The following ACY3 variants were observed in gnomAD, a reference collection of about 807,000 sequenced individuals.
ACY3 encodes the protein aminoacylase 3.
ACY3 carries 20 observed loss-of-function variants against 24.6 expected under a neutral mutation model. The ratio of observed to expected loss-of-function variants is 0.81; its 90% CI spans 0.57 to 1.18. The LOEUF is 1.18. Ranked by LOEUF, ACY3 falls within the 50% of genes most tolerant of loss-of-function variation. ACY3 has a pLI of 0.00. For missense variants in ACY3, 423 were observed against 426.8 expected, an observed-to-expected ratio of 0.99 and a Z score of 0.08; for synonymous variants, 174 against 188.4, an observed-to-expected ratio of 0.92 and a Z score of 0.62.
chr11:67,645,997 C>T (rs1421207360), intron 3 of ACY3, 110 bp from the exon 4 acceptor site: 10 of 1,089,466 alleles, frequency 9.2e-6, no homozygotes, highest in African/African-American at 4.7e-5. Flanking sequence ...GCAGCTCGAG[C>T]GAGGGCTTTC....
chr11:67,646,555 AG>A (rs1855520278), intron 3 of ACY3, among the ~76,000 whole-genome samples: 1 of 152,216 alleles, frequency 6.6e-6, no homozygotes. Flanking sequence ...GGCTAATCTG[AG>A]GGAAGAATTA....
chr11:67,646,671 G>T, intron 3 of ACY3, 137 bp downstream of exon 3: 1 of 868,810 alleles, frequency 1.2e-6, no homozygotes. Flanking sequence ...GGTTTGTCCC[G>T]TGGAGGAATG....
chr11:67,642,621 C>T lies in ACY3; in HGVS notation c.*103G>A. 4 of 1,248,952 alleles carry T rather than the reference C, an allele frequency of 3.2e-6. No individual in the cohort carries two copies. Among genetic ancestry groups the T allele is most frequent in the Non-Finnish European group, 4.7e-6 (4 of 854,490 alleles). 77.4% of individuals were successfully genotyped at this position (1,248,952 alleles called of 1,614,324 possible). On this transcript the variant is annotated 3_prime_UTR_variant, in exon 8 of 8. Coordinates refer to ENST00000255082, the MANE Select transcript of ACY3 (RefSeq NM_080658.2). ...GGGGTTGGGGAGGCCTGGCAAGGAACATGGTGCATGGTAGGTGGCAGAAGG... is the reference window on the plus strand; with the variant it reads ...GGGGTTGGGGAGGCCTGGCAAGGAATATGGTGCATGGTAGGTGGCAGAAGG...
At chr11:67,646,761 A>T in intron 3 of ACY3, 47 bp downstream of exon 3, 2 of 1,568,838 alleles carry the variant, frequency 1.3e-6, no homozygotes, top group Non-Finnish European at 1.7e-6. Flanking sequence ...TGTGGTGGGG[A>T]CTCGGTGCCC....
chr11:67,646,991 C>G lies in ACY3; in HGVS notation c.53G>C (p.Gly18Ala), dbSNP rs1855530674. The G allele has an allele frequency of 6.4e-7, 1 of 1,562,060 alleles. No individual in the cohort carries two copies. Among genetic ancestry groups the G allele is most frequent in the Non-Finnish European group, 8.7e-7 (1 of 1,152,318 alleles). ...CGACATCTCGTTGCCATGCGTGCCC[C>G]CAGTCACAGCCACGCGACGCAGGGG... is the stretch of plus-strand genomic sequence containing the variant. Reference protein sequence around the residue: ...REPLRRVAVTGGTHGNEMSGV... With the variant: ...REPLRRVAVTAGTHGNEMSGV... Residue 18 changes from glycine to alanine, a missense_variant, in exon 3 of 8, where the codon GGG (glycine) becomes GCG (alanine). Coordinates refer to ENST00000255082, the MANE Select transcript of ACY3 (RefSeq NM_080658.2).
chr11:67,650,081 A>G (rs969396327), intron 1 of ACY3, among the ~76,000 whole-genome samples: 1 of 152,144 alleles, frequency 6.6e-6, no homozygotes, highest in African/African-American at 2.4e-5. Flanking sequence ...GGGAGTGAGG[A>G]ACAAAGGGCG....
At chr11:67,646,414 C>G (rs1855517868) in intron 3 of ACY3, among the ~76,000 whole-genome samples, 1 of 152,252 alleles carries the variant, frequency 6.6e-6, no homozygotes, top group South Asian at 2.1e-4. Flanking sequence ...GAAGCCAACA[C>G]CTTGGTCCTA....
At chr11:67,649,774 CGTGT>C (rs1376957313) in intron 1 of ACY3, among the ~76,000 whole-genome samples, 1 of 142,020 alleles carries the variant, frequency 7.0e-6, no homozygotes, top group Non-Finnish European at 1.5e-5. Context: ...TGCATGTGTG[CGTGT>C]GTACGTGTGT....
chr11:67,647,788 C>G (rs1018748620), intron 1 of ACY3, among the ~76,000 whole-genome samples, 199 bp from the exon 2 acceptor site: 9 of 152,254 alleles, frequency 5.9e-5, no homozygotes, highest in African/African-American at 2.2e-4. Context: ...TGCCCCTGCC[C>G]TTCGTCCTTC....
At chr11:67,647,098 G>T in intron 2 of ACY3, 35 bp from the exon 3 acceptor site, 1 of 1,388,298 alleles carries the variant, frequency 7.2e-7, no homozygotes, top group South Asian at 1.4e-5. Context: ...CCCTGGCCCC[G>T]ATGCAAGGGA....
chr11:67,645,521 G>A, intron 4 of ACY3, 141 bp from the exon 5 acceptor site: 1 of 1,223,138 alleles, frequency 8.2e-7, no homozygotes, highest in Non-Finnish European at 1.1e-6. Flanking sequence ...GTAGGGGAGG[G>A]GGTACCGGGG....
At position 67,642,928 on chromosome 11, in the gene ACY3, G is replaced by A. The variant is rs535527775; in HGVS notation, c.756C>T (p.Phe252=). Residue 252 remains phenylalanine, a synonymous_variant, in exon 8 of 8, where the codon TTC becomes TTT. Transcript: ENST00000255082. ...TVHPQLQDRD[F]QPLQPGAPIF... is the part of the protein sequence containing the mutation. ...TGGGAGCACCAGGCTGCAGTGGCTG[G>A]AAGTCTCGGTCCTGGGAGGAGAGCC... 1.2e-6 allele frequency: 2 copies of A among 1,613,666 alleles called. No individual in the cohort carries two copies. The highest frequency in any genetic ancestry group is 3.3e-5 in the Admixed American group (2 of 59,988).
At chr11:67,642,996 G>T in intron 7 of ACY3, 57 bp from the exon 8 acceptor site, 1 of 1,527,096 alleles carries the variant, frequency 6.5e-7, no homozygotes, top group Non-Finnish European at 9.0e-7. Flanking sequence ...TGGCCCCAGA[G>T]GGGGGTGACC....
Position 67,642,584 on chromosome 11 carries a change from A to G in ACY3, c.*140T>C, listed in dbSNP as rs1855425652. 4.9e-6 allele frequency: 4 copies of G among 823,324 alleles called. No homozygotes were observed. The highest frequency in any genetic ancestry group is 4.3e-5 in the Admixed American group (2 of 46,692). 51.0% of individuals were successfully genotyped at this position (823,324 alleles called of 1,614,324 possible). A position where few individuals can be genotyped will look rare whatever the true frequency, so the allele number is the denominator to read the frequency against. ...GACATCTTCCATTTTATAGAAAGGG[A>G]AATTGAGGCCAGGGGTTGGGGAGGC... is the stretch of plus-strand genomic sequence containing the variant. On this transcript the variant is annotated 3_prime_UTR_variant, in exon 8 of 8. Transcript: ENST00000255082.
Position 67,645,860 on chromosome 11 carries a change from AT to A in ACY3, c.263del (p.Tyr88LeufsTer3). On this transcript the variant is annotated frameshift_variant, in exon 4 of 8. Coordinates refer to ENST00000255082, the MANE Select transcript of ACY3 (RefSeq NM_080658.2). LOFTEE classifies it high-confidence loss of function. ...LNSRPTPDDP[Y>X]EVTRARELNQ... ...TCAGCTCTCGGGCTCTTGTCACCTC[AT>A]ATGGGTCGTCCGGGGTGGGCCTGGA... 1 of 1,610,102 alleles carries A rather than the reference AT, an allele frequency of 6.2e-7. No individual in the cohort carries two copies.
chr11:67,649,740 C>A (rs569363968), intron 1 of ACY3, among the ~76,000 whole-genome samples: 1 of 141,236 alleles, frequency 7.1e-6, no homozygotes, highest in Admixed American at 6.8e-5. Flanking sequence ...AGCATGTGTG[C>A]GTGTGTGCGC....
intron 1 of ACY3, among the ~76,000 whole-genome samples, chr11:67,647,942 A>G (rs927354242): frequency 2.0e-5 from 3 of 152,120 alleles, no homozygotes; most frequent in Non-Finnish European, 4.4e-5. Context: ...CAAGATGACA[A>G]GCTGCCCCTC....
rs1190413400 is a variant in ACY3, at chr11:67,644,806, C to T, written c.698G>A (p.Arg233His). Reference sequence around the variant, plus strand: ...GCCTGCCAGGTGCCCGGCCTCGGTGCGGGGGAAGTCCACGACGCCCACGGG... The same window carrying T: ...GCCTGCCAGGTGCCCGGCCTCGGTGTGGGGGAAGTCCACGACGCCCACGGG... ...YRPVGVVDFP[R>H]TEAGHLAGTV... The change falls in exon 7 of 8, where the codon CGC becomes CAC. Residue 233 changes from arginine (R) to histidine (H), a missense_variant. Transcript: ENST00000255082. 8 of 1,569,982 alleles carry T rather than the reference C, an allele frequency of 5.1e-6. No homozygotes were observed. Among genetic ancestry groups the T allele is most frequent in the Admixed American group, 1.9e-5 (1 of 52,948 alleles).
At position 67,645,065 on chromosome 11, in the gene ACY3, A is replaced by G; in HGVS notation, c.614T>C (p.Phe205Ser). 1 of 1,613,936 alleles carries G rather than the reference A, an allele frequency of 6.2e-7. No individual in the cohort carries two copies. Among genetic ancestry groups the G allele is most frequent in the Non-Finnish European group, 8.5e-7 (1 of 1,179,984 alleles). Reference sequence around the variant, plus strand: ...CTCACCCTGGTTGAAGAGTTCGATGAAGTCCAGAACTGTGGCCACCAGGGT... The same window carrying G: ...CTCACCCTGGTTGAAGAGTTCGATGGAGTCCAGAACTGTGGCCACCAGGGT... ...MRTLVATVLD[F>S]IELFNQGTAF... Residue 205 changes from phenylalanine (F) to serine (S), a missense_variant, in exon 6 of 8, where the codon TTC becomes TCC. By Grantham distance (155) the Phe-to-Ser change is radical. Coordinates refer to ENST00000255082, the MANE Select transcript of ACY3 (RefSeq NM_080658.2).
Sources: gnomAD v4.1 joint callset for allele counts (sites outside exome capture counted in the v4.1 genomes callset) on GRCh38, gnomAD v4.1.1 for gene constraint, MANE v1.5 for transcripts, NCBI Gene and HGNC (gene_info 2026-07-23, HGNC 2026-07-21) for gene names.